MRPS28: variants seen among roughly 807,000 people sequenced by gnomAD.
The protein encoded by MRPS28 is mitochondrial ribosomal protein S28.
A neutral mutation model predicts 10.8 loss-of-function variants in MRPS28; 7 were observed. That is an observed-to-expected ratio of 0.65 (90% CI 0.37 to 1.22). MRPS28 has a LOEUF of 1.22. MRPS28 is among the 50% of genes most tolerant of loss of function. The pLI is 0.02. For synonymous variants in MRPS28, 121 were observed against 93.3 expected, an observed-to-expected ratio of 1.30 and a Z score of -1.71; for missense variants, 265 against 232.9, an observed-to-expected ratio of 1.14 and a Z score of -0.90.
intron 2 of MRPS28, among the ~76,000 whole-genome samples, chr8:79,945,965 A>G (rs1806904405): frequency 6.6e-6 from 1 of 152,198 alleles, no homozygotes. Flanking sequence ...TACATACTGT[A>G]AAGAAAGAGA....
chr8:79,935,522 A>G (rs1806585737), intron 2 of MRPS28, among the ~76,000 whole-genome samples: 1 of 152,158 alleles, frequency 6.6e-6, no homozygotes, highest in Non-Finnish European at 1.5e-5. Flanking sequence ...CCCTGAAAAC[A>G]CAGTAAAGTT....
chr8:79,978,410 T>C (rs1262487250), intron 2 of MRPS28, among the ~76,000 whole-genome samples: 1 of 152,152 alleles, frequency 6.6e-6, no homozygotes, highest in Non-Finnish European at 1.5e-5. Flanking sequence ...CTGTCCGAAG[T>C]GACAGACTGA....
chr8:79,989,785 C>A (rs1413925790), intron 2 of MRPS28, among the ~76,000 whole-genome samples: 4 of 152,164 alleles, frequency 2.6e-5, no homozygotes, highest in Non-Finnish European at 5.9e-5. Flanking sequence ...TTGCTATTAA[C>A]AATCCCAGGT....
intron 1 of MRPS28, among the ~76,000 whole-genome samples, chr8:80,020,086 G>A (rs1809313008): frequency 6.6e-6 from 1 of 152,170 alleles, no homozygotes; most frequent in Non-Finnish European, 1.5e-5. Context: ...GGTTGCGAGG[G>A]TGGCTTCCAG....
chr8:80,017,386 A>G (rs377266107), intron 1 of MRPS28, among the ~76,000 whole-genome samples: 4 of 152,316 alleles, frequency 2.6e-5, no homozygotes, highest in East Asian at 1.9e-4. Context: ...GAAAAACAAA[A>G]AGAGAGGACA....
At chr8:80,019,164 T>C (rs1474119838) in intron 1 of MRPS28, among the ~76,000 whole-genome samples, 2 of 151,884 alleles carry the variant, frequency 1.3e-5, no homozygotes, top group Non-Finnish European at 2.9e-5. Flanking sequence ...GCAATAATTA[T>C]TTAACTGTAT....
intron 2 of MRPS28, among the ~76,000 whole-genome samples, chr8:79,920,126 T>C (rs947668002): frequency 3.6e-4 from 55 of 152,290 alleles, no homozygotes; most frequent in Non-Finnish European, 6.0e-4. Context: ...GAACTCATCG[T>C]TTTTTATGGC....
At chr8:80,001,320 C>T (rs1808655214) in intron 2 of MRPS28, among the ~76,000 whole-genome samples, 1 of 152,266 alleles carries the variant, frequency 6.6e-6, no homozygotes, top group Middle Eastern at 3.4e-3. Context: ...AAATGATCTG[C>T]TACAGCTTCT....
intron 1 of MRPS28, among the ~76,000 whole-genome samples, chr8:80,011,748 C>CA (rs879855214): frequency 3.1e-4 from 45 of 147,392 alleles, no homozygotes; most frequent in African/African-American, 7.7e-4. Context: ...GTGAGACTCT[C>CA]AAAAAAAAAC....
At chr8:80,018,199 G>A (rs1057157063) in intron 1 of MRPS28, among the ~76,000 whole-genome samples, 13 of 149,974 alleles carry the variant, frequency 8.7e-5, no homozygotes, top group African/African-American at 1.2e-4. Flanking sequence ...AGGCTGAGGC[G>A]GGAGAATGGC....
intron 2 of MRPS28, among the ~76,000 whole-genome samples, chr8:79,987,295 A>C (rs910326313): frequency 9.9e-5 from 15 of 152,258 alleles, no homozygotes; most frequent in South Asian, 2.1e-4. Context: ...TTAAAGACTT[A>C]AATGTTAGAC....
intron 2 of MRPS28, among the ~76,000 whole-genome samples, chr8:79,985,128 A>G (rs1477695423): frequency 6.6e-6 from 1 of 152,214 alleles, no homozygotes; most frequent in Non-Finnish European, 1.5e-5. Flanking sequence ...AACTCACTCA[A>G]AACCGCTCAA....
chr8:79,988,002 G>C (rs1396047882), intron 2 of MRPS28, among the ~76,000 whole-genome samples: 1 of 152,066 alleles, frequency 6.6e-6, no homozygotes, highest in Non-Finnish European at 1.5e-5. Context: ...ATTCACAATA[G>C]CAACGACTTG....
chr8:79,964,402 G>A (rs1210251490), intron 2 of MRPS28, among the ~76,000 whole-genome samples: 1 of 152,088 alleles, frequency 6.6e-6, no homozygotes, highest in Admixed American at 6.6e-5. Context: ...TACTTCCACT[G>A]GCTTAAAATG....
At chr8:80,022,424 T>C (rs1399319065) in intron 1 of MRPS28, among the ~76,000 whole-genome samples, 1 of 152,238 alleles carries the variant, frequency 6.6e-6, no homozygotes, top group African/African-American at 2.4e-5. Flanking sequence ...TTGGGATAAA[T>C]ACTGTGTGTC....
chr8:80,003,266 G>A (rs1808712415), intron 1 of MRPS28, 86 bp from the exon 2 acceptor site: 1 of 1,030,224 alleles, frequency 9.7e-7, no homozygotes, highest in Admixed American at 3.4e-5. Flanking sequence ...AAAGTCAATT[G>A]TTGTAGCAAT....
chr8:79,922,691 T>A (rs1212549742), intron 2 of MRPS28, among the ~76,000 whole-genome samples: 3 of 152,138 alleles, frequency 2.0e-5, no homozygotes, highest in Non-Finnish European at 2.9e-5. Flanking sequence ...TATTTTATAA[T>A]ACCAAATGAA....
chr8:79,999,768 T>C (rs895485987), intron 2 of MRPS28, among the ~76,000 whole-genome samples: 1 of 152,110 alleles, frequency 6.6e-6, no homozygotes, highest in Non-Finnish European at 1.5e-5. Context: ...TGGCTGAAGA[T>C]TGGGCACAGT....
At chr8:79,995,996 G>C (rs757171102) in intron 2 of MRPS28, among the ~76,000 whole-genome samples, 12 of 152,070 alleles carry the variant, frequency 7.9e-5, no homozygotes, top group Non-Finnish European at 1.5e-4. Flanking sequence ...CAATAATTCT[G>C]TATATTTTTA....
Sources: gnomAD v4.1 joint callset for allele counts (sites outside exome capture counted in the v4.1 genomes callset) on GRCh38, gnomAD v4.1.1 for gene constraint, MANE v1.5 for transcripts, NCBI Gene and HGNC (gene_info 2026-07-23, HGNC 2026-07-21) for gene names.